Variants in LRRC40 observed in about 807,000 individuals in gnomAD.
LRRC40 encodes leucine rich repeat containing 40.
LRRC40 carries 76 observed loss-of-function variants against 72.8 expected under a neutral mutation model. The ratio of observed to expected loss-of-function variants is 1.04; its 90% CI spans 0.87 to 1.26. The LOEUF (loss-of-function observed/expected upper bound fraction) is 1.26, where lower values mean the gene tolerates loss of function less well. Among genes scored for constraint, LRRC40 ranks in the 50% most tolerant of loss-of-function variants. The pLI is 0.00. For missense variants in LRRC40, 684 were observed against 698.9 expected (o/e 0.98, Z 0.24); for synonymous variants, 243 against 254.2 (o/e 0.96, Z 0.42).
intron 1 of LRRC40, among the ~76,000 whole-genome samples, chr1:70,197,103 T>C (rs1327810459): frequency 6.6e-6 from 1 of 152,132 alleles, no homozygotes; most frequent in South Asian, 2.1e-4. Context: ...TAGCCACATA[T>C]GGCTACTGGG....
At chr1:70,195,243 C>A (rs1383946929) in intron 1 of LRRC40, among the ~76,000 whole-genome samples, 1 of 151,886 alleles carries the variant, frequency 6.6e-6, no homozygotes. Flanking sequence ...TTACATGTTT[C>A]TAAAGCTACC....
intron 10 of LRRC40, among the ~76,000 whole-genome samples, 162 bp downstream of exon 10, chr1:70,159,168 A>T (rs1303477968): frequency 6.6e-6 from 1 of 152,156 alleles, no homozygotes; most frequent in Non-Finnish European, 1.5e-5. Context: ...AATGTTTAAA[A>T]AAAAATAAAT....
intron 1 of LRRC40, among the ~76,000 whole-genome samples, chr1:70,190,509 T>C (rs1414020351): frequency 2.0e-5 from 3 of 149,814 alleles, no homozygotes; most frequent in Non-Finnish European, 3.0e-5. Flanking sequence ...AGAAAAACCA[T>C]ATCTCTTAAA....
intron 9 of LRRC40, among the ~76,000 whole-genome samples, chr1:70,169,830 G>A (rs928298684): frequency 1.3e-5 from 2 of 152,082 alleles, no homozygotes; most frequent in Non-Finnish European, 2.9e-5. Flanking sequence ...TGGCTTCACT[G>A]CTGAATTCTA....
Position 70,175,854 on chromosome 1 carries a change from T to A in LRRC40, c.933A>T (p.Leu311=). Residue 311 remains leucine, a synonymous_variant, in exon 7 of 15, where the codon CTA becomes CTT. Transcript: ENST00000370952. ...TTAGGTCAAGCCTTTCCAAGGACCG[T>A]AGTAGTATAATTTCATCTGGAACAG... ...LKSVPDEIIL[L]RSLERLDLSN... 6.3e-7 allele frequency: 1 copy of A among 1,588,240 alleles called. No homozygotes were observed. Among genetic ancestry groups the A allele is most frequent in the Non-Finnish European group, 8.5e-7 (1 of 1,170,468 alleles).
chr1:70,171,180 C>G (rs1329622324), intron 9 of LRRC40, among the ~76,000 whole-genome samples: 1 of 151,788 alleles, frequency 6.6e-6, no homozygotes, highest in African/African-American at 2.4e-5. Context: ...GAACCCTTAC[C>G]TCACACTGCA....
At chr1:70,185,276 C>T (rs913540465) in intron 3 of LRRC40, among the ~76,000 whole-genome samples, 1 of 152,194 alleles carries the variant, frequency 6.6e-6, no homozygotes, top group African/African-American at 2.4e-5. Context: ...TGTGTCCCCA[C>T]ACAAATTTCA....
chr1:70,188,995 T>C, intron 2 of LRRC40, 97 bp downstream of exon 2: 2 of 1,008,534 alleles, frequency 2.0e-6, no homozygotes, highest in Admixed American at 2.2e-5. Context: ...GTCCTTGCAT[T>C]ACCAACTCAA....
intron 6 of LRRC40, among the ~76,000 whole-genome samples, 188 bp downstream of exon 6, chr1:70,178,663 T>C (rs1354434347): frequency 6.6e-6 from 1 of 152,178 alleles, no homozygotes; most frequent in Non-Finnish European, 1.5e-5. Flanking sequence ...TTTTAAAAAA[T>C]GTATTACTAA....
chr1:70,156,212 A>G (rs1376218033), intron 10 of LRRC40, among the ~76,000 whole-genome samples: 1 of 152,112 alleles, frequency 6.6e-6, no homozygotes, highest in African/African-American at 2.4e-5. Context: ...GTTTGGGTAT[A>G]TAATTTCTAC....
chr1:70,148,162 G>C (rs1667362236), intron 14 of LRRC40, among the ~76,000 whole-genome samples: 1 of 146,144 alleles, frequency 6.8e-6, no homozygotes, highest in South Asian at 2.1e-4. Flanking sequence ...AAAAAACCCT[G>C]TATTCAAAGC....
chr1:70,175,623 T>C (rs1465371047), intron 7 of LRRC40, among the ~76,000 whole-genome samples, 187 bp downstream of exon 7: 1 of 152,160 alleles, frequency 6.6e-6, no homozygotes, highest in Non-Finnish European at 1.5e-5. Flanking sequence ...GCTTCTATTA[T>C]CATATCAAGC....
intron 1 of LRRC40, among the ~76,000 whole-genome samples, chr1:70,199,390 T>A (rs751888818): frequency 1.2e-4 from 18 of 152,134 alleles, no homozygotes; most frequent in Non-Finnish European, 2.5e-4. Context: ...ATAAATGGTA[T>A]TTTTCAAAAA....
intron 10 of LRRC40, among the ~76,000 whole-genome samples, chr1:70,158,889 A>C (rs1394708146): frequency 6.6e-6 from 1 of 152,200 alleles, no homozygotes; most frequent in Non-Finnish European, 1.5e-5. Flanking sequence ...TTATAACAAT[A>C]AAATGTTCCC....
intron 2 of LRRC40, among the ~76,000 whole-genome samples, chr1:70,187,961 A>C (rs551905758): frequency 3.5e-4 from 53 of 152,288 alleles, no homozygotes; most frequent in African/African-American, 1.2e-3. Flanking sequence ...TCATTAGTAG[A>C]GTTTCAATTT....
intron 9 of LRRC40, among the ~76,000 whole-genome samples, chr1:70,164,156 C>T (rs541355236): frequency 2.0e-5 from 3 of 151,824 alleles, no homozygotes; most frequent in Non-Finnish European, 4.4e-5. Context: ...TTTGGGAGGC[C>T]GAGGCGGGCG....
intron 9 of LRRC40, among the ~76,000 whole-genome samples, chr1:70,166,244 A>C (rs1667877461): frequency 6.6e-6 from 1 of 152,216 alleles, no homozygotes; most frequent in Admixed American, 6.5e-5. Context: ...AGAAACTACA[A>C]ATGTCAGGAA....
intron 1 of LRRC40, among the ~76,000 whole-genome samples, chr1:70,189,738 A>G (rs1668451332): frequency 6.6e-6 from 1 of 152,264 alleles, no homozygotes; most frequent in Non-Finnish European, 1.5e-5. Flanking sequence ...TACTTCTAAC[A>G]TACTAATTCA....
intron 1 of LRRC40, among the ~76,000 whole-genome samples, chr1:70,197,944 TAG>T (rs1294492165): frequency 6.6e-6 from 1 of 152,004 alleles, no homozygotes; most frequent in African/African-American, 2.4e-5. Flanking sequence ...GTATTTTTAG[TAG>T]AGACGAAGTT....
Sources: gnomAD v4.1 joint callset for allele counts (sites outside exome capture counted in the v4.1 genomes callset) on GRCh38, gnomAD v4.1.1 for gene constraint, MANE v1.5 for transcripts, NCBI Gene and HGNC (gene_info 2026-07-23, HGNC 2026-07-21) for gene names.